FOXN3: variants seen among roughly 807,000 people sequenced by gnomAD.
The protein encoded by FOXN3 is forkhead box protein N3.
In FOXN3, 7 loss-of-function variants were observed where a neutral mutation model predicts 38.4. That is an observed-to-expected ratio of 0.18 (90% CI 0.10 to 0.34). FOXN3 has a LOEUF of 0.34. Ranked by LOEUF, FOXN3 falls within the 10% of genes least tolerant of loss-of-function variation. The pLI, the probability that FOXN3 is intolerant of heterozygous loss-of-function variation, is 1.00. For synonymous variants in FOXN3, 230 were observed against 242.2 expected, an observed-to-expected ratio of 0.95 and a Z score of 0.47; for missense variants, 456 against 613.4, an observed-to-expected ratio of 0.74 and a Z score of 2.71.
intron 4 of FOXN3, among the ~76,000 whole-genome samples, chr14:89,221,606 C>T (rs537113753): frequency 3.9e-4 from 59 of 152,292 alleles, no homozygotes; most frequent in Admixed American, 2.5e-3. Context: ...CTTGATTTTG[C>T]CAACTTCCTC....
intron 3 of FOXN3, among the ~76,000 whole-genome samples, chr14:89,297,844 G>T (rs1334898732): frequency 6.6e-6 from 1 of 152,116 alleles, no homozygotes; most frequent in African/African-American, 2.4e-5. Context: ...AAGTCACCGG[G>T]TGTGGTGGCA....
chr14:89,303,974 T>C (rs1887298364), intron 3 of FOXN3, among the ~76,000 whole-genome samples: 1 of 152,238 alleles, frequency 6.6e-6, no homozygotes, highest in African/African-American at 2.4e-5. Context: ...CCCATATAAA[T>C]GGACTCAAGA....
intron 2 of FOXN3, among the ~76,000 whole-genome samples, chr14:89,390,152 G>C (rs763696682): frequency 1.3e-5 from 2 of 151,012 alleles, no homozygotes; most frequent in Non-Finnish European, 2.9e-5. Flanking sequence ...CTTGAGCCTG[G>C]GACGTTGAGG....
chr14:89,311,694 C>A (rs1263680271), intron 3 of FOXN3, among the ~76,000 whole-genome samples: 1 of 151,474 alleles, frequency 6.6e-6, no homozygotes. Context: ...GGCATGGTGG[C>A]ACTTGCCTGT....
intron 3 of FOXN3, among the ~76,000 whole-genome samples, chr14:89,320,146 A>G (rs1259806974): frequency 6.6e-6 from 1 of 152,230 alleles, no homozygotes; most frequent in Non-Finnish European, 1.5e-5. Context: ...GAAAAAGGGG[A>G]AAGTCAGAGG....
intron 4 of FOXN3, among the ~76,000 whole-genome samples, chr14:89,254,950 G>A (rs1426737957): frequency 6.6e-6 from 1 of 152,214 alleles, no homozygotes; most frequent in South Asian, 2.1e-4. Flanking sequence ...GGAAAGCTAA[G>A]TGCTTTAATG....
chr14:89,481,004 G>A (rs1454682597), intron 1 of FOXN3, among the ~76,000 whole-genome samples: 1 of 152,004 alleles, frequency 6.6e-6, no homozygotes, highest in African/African-American at 2.4e-5. Context: ...CAGGAACCAG[G>A]GGAATTGCAA....
intron 1 of FOXN3, among the ~76,000 whole-genome samples, chr14:89,492,721 A>G (rs1678002590): frequency 6.6e-6 from 1 of 152,146 alleles, no homozygotes; most frequent in Non-Finnish European, 1.5e-5. Flanking sequence ...CAACAAAATA[A>G]AATAAAACCA....
At chr14:89,395,595 G>A (rs1891079691) in intron 2 of FOXN3, among the ~76,000 whole-genome samples, 1 of 152,024 alleles carries the variant, frequency 6.6e-6, no homozygotes, top group Non-Finnish European at 1.5e-5. Context: ...GAAATTCCTG[G>A]TGGACAGAAA....
intron 3 of FOXN3, among the ~76,000 whole-genome samples, chr14:89,304,084 T>C (rs1298593117): frequency 6.6e-6 from 1 of 152,214 alleles, no homozygotes; most frequent in Non-Finnish European, 1.5e-5. Flanking sequence ...AAAATAGCTT[T>C]GATGCTGTCA....
intron 1 of FOXN3, among the ~76,000 whole-genome samples, chr14:89,549,273 TAAA>T (rs11307365): frequency 1.5e-4 from 20 of 133,392 alleles, no homozygotes; most frequent in Admixed American, 2.2e-4. Context: ...TCCTTATCTG[TAAA>T]AAAAAAAAAA....
At chr14:89,248,719 C>T (rs10498619) in intron 4 of FOXN3, among the ~76,000 whole-genome samples, 101,830 of 152,174 alleles carry the variant, frequency 0.67, 34,214 homozygotes, top group African/African-American at 0.76. Flanking sequence ...AGAACTTCCT[C>T]CGCTATAGAC....
At chr14:89,494,858 T>C (rs1266058331) in intron 1 of FOXN3, among the ~76,000 whole-genome samples, 2 of 152,198 alleles carry the variant, frequency 1.3e-5, no homozygotes, top group African/African-American at 2.4e-5. Flanking sequence ...AATGAGTGAG[T>C]AGGCAATGAC....
intron 5 of FOXN3, among the ~76,000 whole-genome samples, chr14:89,169,830 A>G (rs543456086): frequency 3.3e-5 from 5 of 152,284 alleles, no homozygotes; most frequent in Admixed American, 6.5e-5. Flanking sequence ...GCTAGAAACA[A>G]AAAAGAATCT....
intron 1 of FOXN3, among the ~76,000 whole-genome samples, chr14:89,458,009 G>A (rs1384625077): frequency 8.5e-6 from 1 of 118,162 alleles, no homozygotes; most frequent in Non-Finnish European, 1.6e-5. Context: ...CAGCCTGAGC[G>A]ATAAGAGCGA....
At chr14:89,576,095 AC>A (rs1255191239) in intron 1 of FOXN3, 1 of 152,230 alleles carries the variant, frequency 6.6e-6, no homozygotes, top group East Asian at 1.9e-4. Flanking sequence ...TTCCAGAGAC[AC>A]CCATCTTAGG....
intron 3 of FOXN3, among the ~76,000 whole-genome samples, chr14:89,327,029 T>A (rs921378835): frequency 6.6e-6 from 1 of 152,062 alleles, no homozygotes; most frequent in African/African-American, 2.4e-5. Context: ...TTGCTGGTGA[T>A]TAGATGCAAT....
chr14:89,616,317 A>G (rs948424077), intron 1 of FOXN3, among the ~76,000 whole-genome samples: 8 of 152,126 alleles, frequency 5.3e-5, no homozygotes, highest in Non-Finnish European at 1.0e-4. Context: ...GGAACGTCTC[A>G]ATTATCCTAA....
intron 1 of FOXN3, among the ~76,000 whole-genome samples, chr14:89,450,869 A>C (rs1358878121): frequency 6.6e-6 from 1 of 152,108 alleles, no homozygotes; most frequent in Non-Finnish European, 1.5e-5. Context: ...CTTGCATGGA[A>C]ATAACTTTCA....
Sources: allele counts gnomAD v4.1 joint callset (sites outside exome capture counted in the v4.1 genomes callset), GRCh38; gene constraint gnomAD v4.1.1; transcripts MANE v1.5; gene names NCBI Gene and HGNC (gene_info 2026-07-23, HGNC 2026-07-21).